Variants in ADGRG6 observed in about 807,000 individuals in gnomAD.
The protein encoded by ADGRG6 is G-protein coupled receptor 126.
ADGRG6 carries 84 observed loss-of-function variants against 142.4 expected under a neutral mutation model. The ratio of observed to expected loss-of-function variants is 0.59; its 90% CI spans 0.49 to 0.71. The LOEUF (loss-of-function observed/expected upper bound fraction) is 0.71. Among genes scored for constraint, ADGRG6 ranks in the 30% least tolerant of loss-of-function variants. ADGRG6 has a pLI of 0.00. For missense variants in ADGRG6, 1,367 were observed against 1,466.6 expected (o/e 0.93, Z 1.11); for synonymous variants, 521 against 520.5 (o/e 1.00, Z -0.01).
chr6:142,363,491 C>G (rs1324249537), intron 2 of ADGRG6, among the ~76,000 whole-genome samples: 1 of 152,102 alleles, frequency 6.6e-6, no homozygotes, highest in Admixed American at 6.5e-5. Context: ...TAAATTACTG[C>G]TAAATATTTG....
intron 2 of ADGRG6, among the ~76,000 whole-genome samples, chr6:142,357,744 C>CT (rs1780523060): frequency 6.6e-6 from 1 of 152,172 alleles, no homozygotes; most frequent in African/African-American, 2.4e-5. Context: ...GCTCTAGCTA[C>CT]TAATTTCAGG....
chr6:142,425,003 AT>A (rs1419720984), intron 22 of ADGRG6, among the ~76,000 whole-genome samples: 2 of 152,184 alleles, frequency 1.3e-5, no homozygotes, highest in African/African-American at 4.8e-5. Flanking sequence ...AAAATTTGCT[AT>A]AGTTGATGAT....
intron 2 of ADGRG6, among the ~76,000 whole-genome samples, chr6:142,341,583 T>C (rs1779647732): frequency 8.0e-6 from 1 of 124,488 alleles, no homozygotes; most frequent in Non-Finnish European, 1.6e-5. Flanking sequence ...ATGTAGTATA[T>C]ATAATATTAT....
intron 4 of ADGRG6, among the ~76,000 whole-genome samples, chr6:142,372,036 G>A (rs1293107965): frequency 6.6e-6 from 1 of 152,004 alleles, no homozygotes; most frequent in African/African-American, 2.4e-5. Context: ...ATACTGTGCT[G>A]TCTCTGGTTC....
At position 142,417,295 on chromosome 6, in the gene ADGRG6, A is replaced by T; in HGVS notation, c.2961A>T (p.Ser987=). ...IGWGLPALVV[S]VVLASRNNNE... ...CAGGTTTGCCTGCCTTAGTGGTGTC[A>T]GTTGTTCTAGCGAGCAGAAACAACA... Residue 987 remains serine, a synonymous_variant, in exon 21 of 25, where the codon TCA becomes TCT. Transcript: ENST00000367609. 1 of 1,600,238 alleles carries T rather than the reference A, an allele frequency of 6.2e-7. No individual in the cohort carries two copies. The highest frequency in any genetic ancestry group is 1.3e-5 in the African/African-American group (1 of 74,798).
intron 2 of ADGRG6, among the ~76,000 whole-genome samples, chr6:142,324,175 G>A (rs1192893929): frequency 6.6e-6 from 1 of 152,040 alleles, no homozygotes; most frequent in Non-Finnish European, 1.5e-5. Context: ...CTGTAAAACA[G>A]AAAAATGGAT....
Position 142,367,593 on chromosome 6 carries a change from T to C in ADGRG6, c.128T>C (p.Val43Ala). The change falls in exon 3 of 25, where the codon GTG (valine) becomes GCG (alanine). Residue 43 changes from valine to alanine, a missense_variant. Val to Ala is a moderately conservative substitution (Grantham distance 64, BLOSUM62 0). Around this residue, in one of 3 missense-constraint regions of ADGRG6, gnomAD observed 737 missense variants for 746.5 expected, o/e 0.99. Coordinates refer to ENST00000367609, the MANE Select transcript of ADGRG6 (RefSeq NM_198569.3). ...GTGTGGGGATGTGCCAACTGCCGAG[T>C]GGTTTTGTCCAACCCTTCTGGGACC... ...HSVWGCANCR[V>A]VLSNPSGTFT... 6.2e-7 allele frequency: 1 copy of C among 1,613,622 alleles called. No individual in the cohort carries two copies. Among genetic ancestry groups the C allele is most frequent in the Non-Finnish European group, 8.5e-7 (1 of 1,179,676 alleles).
chr6:142,342,525 CTTA>C, intron 2 of ADGRG6, among the ~76,000 whole-genome samples: 1 of 152,142 alleles, frequency 6.6e-6, no homozygotes, highest in African/African-American at 2.4e-5. Flanking sequence ...CCTGAGCATT[CTTA>C]TTGATACTTT....
intron 2 of ADGRG6, among the ~76,000 whole-genome samples, chr6:142,325,367 ACG>A (rs1778722349): frequency 6.6e-6 from 1 of 152,052 alleles, no homozygotes; most frequent in Non-Finnish European, 1.5e-5. Flanking sequence ...TACATCTCCC[ACG>A]AGGCTTGTAG....
At chr6:142,376,119 TAC>T (rs1273148064) in intron 4 of ADGRG6, among the ~76,000 whole-genome samples, 6 of 152,192 alleles carry the variant, frequency 3.9e-5, no homozygotes, top group African/African-American at 1.4e-4. Flanking sequence ...TTTTATTAAA[TAC>T]ATTCAGTTTT....
chr6:142,302,282 G>T lies in ADGRG6; in HGVS notation c.-48G>T. 3.7e-6 allele frequency: 6 copies of T among 1,608,330 alleles called. No individual in the cohort carries two copies. The highest frequency in any genetic ancestry group is 4.2e-6 in the Non-Finnish European group (5 of 1,176,912). ...AGCGGCAGCAGAGCGGGAAAGTGGT[G>T]GAGGATGATCTTGCGGCCAAAGGGG... is the stretch of plus-strand genomic sequence containing the variant. On this transcript the variant is annotated 5_prime_UTR_variant, in exon 1 of 25. Transcript: ENST00000367609.
chr6:142,434,803 A>G (rs1777396994), intron 22 of ADGRG6, among the ~76,000 whole-genome samples: 1 of 152,162 alleles, frequency 6.6e-6, no homozygotes, highest in African/African-American at 2.4e-5. Context: ...ATCACCAAAC[A>G]ACAAGCTAAA....
chr6:142,400,993 A>T (rs549142492), intron 11 of ADGRG6, among the ~76,000 whole-genome samples: 2 of 152,304 alleles, frequency 1.3e-5, no homozygotes, highest in Non-Finnish European at 2.9e-5. Context: ...TGAAGACAAG[A>T]TCCAGATTGG....
intron 2 of ADGRG6, among the ~76,000 whole-genome samples, chr6:142,332,759 G>A (rs1210325354): frequency 6.6e-6 from 1 of 152,150 alleles, no homozygotes; most frequent in African/African-American, 2.4e-5. Flanking sequence ...TTAAGTTAGT[G>A]AAAATACCCT....
intron 2 of ADGRG6, among the ~76,000 whole-genome samples, chr6:142,357,975 C>T (rs963442212): frequency 1.3e-5 from 2 of 152,288 alleles, no homozygotes; most frequent in South Asian, 4.2e-4. Context: ...AAGCATCTTA[C>T]TGTGAGTCAT....
In ADGRG6 at chr6:142,402,819, G is replaced by A. The variant is rs1258466058; in HGVS notation, c.1944G>A (p.Glu648=). Residue 648 remains glutamate, a synonymous_variant, in exon 13 of 25, where the codon GAG becomes GAA. Coordinates refer to ENST00000367609, the MANE Select transcript of ADGRG6 (RefSeq NM_198569.3). ...ILSSSDSDLL[E]SSSEALKTID... ...GCAGTTCAGACAGTGACTTGCTTGAGTCATCTTCTGAGTAAGTATTTTTTT... is the reference window on the plus strand; with the variant it reads ...GCAGTTCAGACAGTGACTTGCTTGAATCATCTTCTGAGTAAGTATTTTTTT... 1 of 1,555,256 alleles carries A rather than the reference G, an allele frequency of 6.4e-7. No homozygotes were observed. Among genetic ancestry groups the A allele is most frequent in the Non-Finnish European group, 8.7e-7 (1 of 1,143,134 alleles).
chr6:142,343,065 T>G (rs981206061), intron 2 of ADGRG6, among the ~76,000 whole-genome samples: 4 of 151,786 alleles, frequency 2.6e-5, no homozygotes, highest in African/African-American at 9.7e-5. Context: ...ACTACTTATA[T>G]AGGGTATGTA....
At chr6:142,429,241 G>A (rs1289791980) in intron 22 of ADGRG6, among the ~76,000 whole-genome samples, 1 of 152,180 alleles carries the variant, frequency 6.6e-6, no homozygotes, top group East Asian at 1.9e-4. Flanking sequence ...AGTATGAGGT[G>A]AAATATGCCA....
chr6:142,317,062 T>A (rs1778112317), intron 2 of ADGRG6, among the ~76,000 whole-genome samples: 2 of 152,156 alleles, frequency 1.3e-5, no homozygotes, highest in African/African-American at 2.4e-5. Flanking sequence ...ACCTAATGTT[T>A]CACCAAACAA....
Sources: allele counts gnomAD v4.1 joint callset (sites outside exome capture counted in the v4.1 genomes callset), GRCh38; gene constraint gnomAD v4.1.1; regional missense constraint gnomAD v4.1.1; transcripts MANE v1.5; gene names NCBI Gene and HGNC (gene_info 2026-07-23, HGNC 2026-07-21).